Variants in ROBO1 observed in about 807,000 individuals in gnomAD.
The protein encoded by ROBO1 is roundabout guidance receptor 1.
A neutral mutation model predicts 195.9 loss-of-function variants in ROBO1; 149 were observed. That is an observed-to-expected ratio of 0.76 (90% CI 0.67 to 0.87). ROBO1 has a LOEUF of 0.87. Among genes scored for constraint, ROBO1 ranks in the 40% least tolerant of loss-of-function variants. The pLI, the probability that ROBO1 is intolerant of heterozygous loss-of-function variation, is 0.00. For missense variants in ROBO1, 1,933 were observed against 2,068.3 expected (o/e 0.93, Z 1.27); for synonymous variants, 816 against 733.2 (o/e 1.11, Z -1.82).
rs747620428 is a variant in ROBO1, at chr3:78,938,631, C to T, written c.469G>A (p.Val157Met). The T allele has an allele frequency of 2.5e-6, 4 of 1,612,810 alleles. No individual in the cohort carries two copies. In the Admixed American group the frequency reaches 6.7e-5, roughly 27 times the overall value. ...ACTTCCAGCGATGCATTGTGGCTCACAGCCTCTCCAAGGTAATTCCTTGCT... is the reference window on the plus strand; with the variant it reads ...ACTTCCAGCGATGCATTGTGGCTCATAGCCTCTCCAAGGTAATTCCTTGCT... ...CVARNYLGEA[V>M]SHNASLEVAI... Residue 157 changes from valine (V) to methionine (M), a missense_variant, in exon 4 of 31, where the codon GTG becomes ATG. Transcript: ENST00000464233.
intron 2 of ROBO1, chr3:79,526,438 T>C (rs1448632326): frequency 1.3e-5 from 2 of 152,178 alleles, no homozygotes; most frequent in Non-Finnish European, 2.9e-5. Flanking sequence ...TCTTACCTTG[T>C]AGGGATTGTT....
intron 5 of ROBO1, among the ~76,000 whole-genome samples, chr3:78,743,404 C>T (rs986946691): frequency 1.3e-5 from 2 of 152,060 alleles, no homozygotes. Context: ...ACTTGGCGGC[C>T]CTTCTAACTC....
chr3:79,372,758 C>A (rs1037237161), intron 2 of ROBO1, among the ~76,000 whole-genome samples: 1 of 151,972 alleles, frequency 6.6e-6, no homozygotes, highest in Non-Finnish European at 1.5e-5. Flanking sequence ...TGAGAAAATA[C>A]ATTTTTTTTT....
At chr3:78,656,345 A>ATTTTTT (rs5850382) in intron 18 of ROBO1, among the ~76,000 whole-genome samples, 1 of 88,640 alleles carries the variant, frequency 1.1e-5, no homozygotes. Flanking sequence ...TGCTTATTTG[A>ATTTTTT]TTTTTTTTTT....
chr3:78,819,042 G>A (rs2030530576), intron 4 of ROBO1, among the ~76,000 whole-genome samples: 1 of 152,138 alleles, frequency 6.6e-6, no homozygotes, highest in African/African-American at 2.4e-5. Flanking sequence ...GGTACTATCT[G>A]CCGTTTCTGG....
chr3:79,118,723 C>T (rs955020998), intron 3 of ROBO1, among the ~76,000 whole-genome samples: 7 of 151,920 alleles, frequency 4.6e-5, no homozygotes, highest in African/African-American at 1.7e-4. Flanking sequence ...CAAAAATTAG[C>T]TGGGCATGGT....
intron 2 of ROBO1, among the ~76,000 whole-genome samples, chr3:79,206,632 T>C (rs1183356433): frequency 3.3e-5 from 5 of 152,168 alleles, no homozygotes; most frequent in Admixed American, 6.5e-5. Context: ...TGGTGTTCCC[T>C]GTTGCTTGCA....
chr3:78,967,261 G>C (rs1352276716), intron 3 of ROBO1, among the ~76,000 whole-genome samples: 1 of 152,106 alleles, frequency 6.6e-6, no homozygotes, highest in South Asian at 2.1e-4. Flanking sequence ...TGACTCACTG[G>C]CTTCTCATCA....
Position 79,064,251 on chromosome 3 carries a change from T to C in ROBO1, c.172+61205A>G, listed in dbSNP as rs148527199. On this transcript the variant is annotated intron_variant, in intron 3 of 30. Coordinates refer to ENST00000464233, the MANE Select transcript of ROBO1 (RefSeq NM_002941.4). ...CAATTGTACATTTAAAAATATTAGG[T>C]CTGAAAAAAATAGCAACTTTTTCAG... Among the ~76,000 whole-genome samples, 19 of 152,028 alleles carry C rather than the reference T, an allele frequency of 1.2e-4. No individual in the cohort carries two copies. In the East Asian group the frequency reaches 2.3e-3, roughly 19 times the overall value.
intron 2 of ROBO1, among the ~76,000 whole-genome samples, chr3:79,201,873 T>G (rs1294412987): frequency 6.7e-6 from 1 of 149,648 alleles, no homozygotes; most frequent in Non-Finnish European, 1.5e-5. Context: ...AATATCTACA[T>G]CTATTGATAA....
In ROBO1 at chr3:78,891,695, G is replaced by A. The variant is rs566951419; in HGVS notation, c.499+46906C>T. On this transcript the variant is annotated intron_variant, in intron 4 of 30. Transcript: ENST00000464233. ...GAAACTGAAAATAATCCAAGTGTCC[G>A]TTCGTACAAGAATGAATAAACAAAT... 1.2e-4 allele frequency among the ~76,000 whole-genome samples: 19 copies of A among 152,224 alleles called. No individual in the cohort carries two copies. In the South Asian group the frequency reaches 2.1e-3, roughly 17 times the overall value.
intron 4 of ROBO1, among the ~76,000 whole-genome samples, chr3:78,862,921 C>T (rs372925496): frequency 6.6e-6 from 1 of 152,158 alleles, no homozygotes; most frequent in South Asian, 2.1e-4. Context: ...TGAGAAATAG[C>T]AGCTTAGAAA....
intron 2 of ROBO1, among the ~76,000 whole-genome samples, chr3:79,422,954 A>G (rs1251885169): frequency 6.6e-6 from 1 of 151,068 alleles, no homozygotes; most frequent in Non-Finnish European, 1.5e-5. Flanking sequence ...CCATCTTTTG[A>G]TACAACCTTA....
chr3:79,398,566 T>TA (rs1198972623), intron 2 of ROBO1, among the ~76,000 whole-genome samples: 3 of 152,106 alleles, frequency 2.0e-5, no homozygotes, highest in African/African-American at 7.2e-5. Context: ...AGAATTACTA[T>TA]AAAAAACTGG....
chr3:79,207,983 T>C (rs2081901808), intron 2 of ROBO1, among the ~76,000 whole-genome samples: 1 of 152,108 alleles, frequency 6.6e-6, no homozygotes, highest in Non-Finnish European at 1.5e-5. Flanking sequence ...TTTCGGAACA[T>C]TAGTAAAAGA....
intron 2 of ROBO1, among the ~76,000 whole-genome samples, chr3:79,571,902 T>C (rs1943290700): frequency 6.6e-6 from 1 of 152,110 alleles, no homozygotes; most frequent in Admixed American, 6.5e-5. Context: ...TTCTGGCCTT[T>C]TGTAATGATT....
intron 4 of ROBO1, among the ~76,000 whole-genome samples, chr3:78,799,745 T>C (rs2084307227): frequency 6.6e-6 from 1 of 152,184 alleles, no homozygotes; most frequent in African/African-American, 2.4e-5. Flanking sequence ...ACTGCGTCTA[T>C]GATTGGATTA....
chr3:79,745,392 T>G (rs151241968), intron 1 of ROBO1, among the ~76,000 whole-genome samples: 1 of 152,184 alleles, frequency 6.6e-6, no homozygotes, highest in Non-Finnish European at 1.5e-5. Flanking sequence ...TTTAAAAAAA[T>G]AGGAGAAACA....
chr3:78,965,240 C>A (rs558585322), intron 3 of ROBO1, among the ~76,000 whole-genome samples: 1 of 152,108 alleles, frequency 6.6e-6, no homozygotes, highest in East Asian at 1.9e-4. Flanking sequence ...AAATTACATT[C>A]AATACATTTA....
Sources: gnomAD v4.1 joint callset for allele counts (sites outside exome capture counted in the v4.1 genomes callset) on GRCh38, gnomAD v4.1.1 for gene constraint, MANE v1.5 for transcripts, NCBI Gene and HGNC (gene_info 2026-07-23, HGNC 2026-07-21) for gene names.